Variants in SPATA17 observed in about 807,000 individuals in gnomAD.
The protein encoded by SPATA17 is spermatogenesis associated 17.
Under a neutral mutation model 62.2 loss-of-function variants are expected in SPATA17, and 53 were observed. That is an observed-to-expected ratio of 0.85 (90% CI 0.68 to 1.07). The LOEUF is 1.07. Among genes scored for constraint, SPATA17 ranks in the 50% least tolerant of loss-of-function variants. SPATA17 has a pLI of 0.00. For missense variants in SPATA17, 466 were observed against 425.5 expected, an observed-to-expected ratio of 1.10 and a Z score of -0.84; for synonymous variants, 146 against 146.8, an observed-to-expected ratio of 0.99 and a Z score of 0.04.
At chr1:217,700,762 C>CTTTTTTTTTTT (rs71556698) in intron 5 of SPATA17, among the ~76,000 whole-genome samples, 47 of 134,736 alleles carry the variant, frequency 3.5e-4, no homozygotes, top group African/African-American at 5.5e-4. Context: ...TTTTCTTTTT[C>CTTTTTTTTTTT]TTTTTTTTTT....
In SPATA17 at chr1:217,862,828, T is replaced by C. The variant is rs770973652; in HGVS notation, c.1060T>C (p.Tyr354His). The change falls in exon 10 of 11, where the codon TAT (tyrosine) becomes CAT (histidine). Residue 354 changes from tyrosine to histidine, a missense_variant. Coordinates refer to ENST00000366933, the MANE Select transcript of SPATA17 (RefSeq NM_138796.4). ...GCTCTTCTCAAAGTATGGAAAATTA[T>C]ATTCAAAAGCTGGACAGATTGTATA... The part of the protein sequence containing the change: ...FELFSKYGKL[Y>H]SKAGQIV 6.2e-7 allele frequency: 1 copy of C among 1,609,984 alleles called. No individual in the cohort carries two copies. Among genetic ancestry groups the C allele is most frequent in the East Asian group, 2.2e-5 (1 of 44,732 alleles).
chr1:217,801,718 G>T lies in SPATA17; in HGVS notation c.873G>T (p.Met291Ile). 1 of 1,591,108 alleles carries T rather than the reference G, an allele frequency of 6.3e-7. No homozygotes were observed. The highest frequency in any genetic ancestry group is 1.4e-5 in the African/African-American group (1 of 73,416). ...EEWLQNVNDNMFLPFSSYHKN... is the reference protein window; with the variant it reads ...EEWLQNVNDNIFLPFSSYHKN... Reference sequence around the variant, plus strand: ...AATAGCTCTTAAATATTTCTTTCAGGTTTTTGCCATTTTCTTCATACCATA... The same window carrying T: ...AATAGCTCTTAAATATTTCTTTCAGTTTTTTGCCATTTTCTTCATACCATA... The change falls in exon 9 of 11, where the codon ATG becomes ATT. Residue 291 changes from methionine to isoleucine, a missense_variant and splice_region_variant. Transcript: ENST00000366933.
At chr1:217,704,789 T>C (rs1334109041) in intron 5 of SPATA17, among the ~76,000 whole-genome samples, 1 of 152,194 alleles carries the variant, frequency 6.6e-6, no homozygotes, top group Non-Finnish European at 1.5e-5. Flanking sequence ...CACATTTTCT[T>C]TATCCAGTAT....
intron 9 of SPATA17, among the ~76,000 whole-genome samples, chr1:217,814,552 G>A (rs1379041264): frequency 1.3e-5 from 2 of 152,036 alleles, no homozygotes; most frequent in African/African-American, 4.8e-5. Context: ...TTCTCCTGAA[G>A]TTTCTAAGTC....
At chr1:217,727,266 A>G (rs867357845) in intron 5 of SPATA17, among the ~76,000 whole-genome samples, 3 of 148,656 alleles carry the variant, frequency 2.0e-5, no homozygotes, top group African/African-American at 7.4e-5. Context: ...TAATAATAAT[A>G]ATAATAATAA....
intron 5 of SPATA17, among the ~76,000 whole-genome samples, chr1:217,714,154 G>A (rs1671940613): frequency 6.6e-6 from 1 of 152,108 alleles, no homozygotes; most frequent in Non-Finnish European, 1.5e-5. Flanking sequence ...TTGGGAGGCT[G>A]TGGCAAGTGA....
chr1:217,698,821 A>G (rs1671525212), intron 5 of SPATA17, among the ~76,000 whole-genome samples: 1 of 152,094 alleles, frequency 6.6e-6, no homozygotes, highest in Non-Finnish European at 1.5e-5. Context: ...ATCTCCCTAA[A>G]TATCCCTTAT....
Position 217,770,981 on chromosome 1 carries a change from T to A in SPATA17, c.520-3353T>A, listed in dbSNP as rs1027009934. ...TATCTATTATATAACTCATTGCATTTTTTTTTTTTTTTTTTTTTTTTTTTT... is the reference window on the plus strand; with the variant it reads ...TATCTATTATATAACTCATTGCATTATTTTTTTTTTTTTTTTTTTTTTTTT... On this transcript the variant is annotated intron_variant, in intron 6 of 10. Coordinates refer to ENST00000366933, the MANE Select transcript of SPATA17 (RefSeq NM_138796.4). 6.0e-3 allele frequency among the ~76,000 whole-genome samples: 386 copies of A among 63,950 alleles called. 37 individuals carry two copies. The highest frequency in any genetic ancestry group is 0.039 in the South Asian group (69 of 1,790). 42.0% of individuals were successfully genotyped at this position (63,950 alleles called of 152,430 possible). A position where few individuals can be genotyped will look rare whatever the true frequency, so the allele number is the denominator to read the frequency against.
In SPATA17 at chr1:217,742,003, A is replaced by G. The variant is rs1672635290; in HGVS notation, c.424A>G (p.Lys142Glu). ...RKALEEFAEMKEREEKKANLE... is the reference protein window; with the variant it reads ...RKALEEFAEMEEREEKKANLE... ...GGCACTGGAGGAGTTTGCAGAAATG[A>G]AAGAAAGAGAAGAGAAGAAGGCTAA... The change falls in exon 6 of 11, where the codon AAA becomes GAA. Residue 142 changes from lysine to glutamate, a missense_variant. By Grantham distance (56) the Lys-to-Glu change is moderately conservative. Transcript: ENST00000366933. 5.0e-6 allele frequency: 8 copies of G among 1,613,996 alleles called. No homozygotes were observed. In the African/African-American group the frequency reaches 5.3e-5, roughly 11 times the overall value.
chr1:217,671,976 A>G (rs1670839841), intron 4 of SPATA17, among the ~76,000 whole-genome samples: 2 of 152,344 alleles, frequency 1.3e-5, no homozygotes, highest in African/African-American at 2.4e-5. Context: ...CAGAAAGACC[A>G]TAAGTGATTC....
At chr1:217,859,685 C>T (rs552667520) in intron 9 of SPATA17, among the ~76,000 whole-genome samples, 3 of 152,262 alleles carry the variant, frequency 2.0e-5, no homozygotes, top group Admixed American at 2.0e-4. Flanking sequence ...GGATTATAGG[C>T]ATGAGTCACC....
intron 9 of SPATA17, among the ~76,000 whole-genome samples, chr1:217,854,639 A>G (rs1418681872): frequency 6.6e-6 from 1 of 152,050 alleles, no homozygotes; most frequent in African/African-American, 2.4e-5. Flanking sequence ...ATTCCCCCAA[A>G]TACTTTGAAA....
At chr1:217,849,335 C>T (rs1558075441) in intron 9 of SPATA17, among the ~76,000 whole-genome samples, 1 of 152,166 alleles carries the variant, frequency 6.6e-6, no homozygotes, top group East Asian at 1.9e-4. Context: ...GTGTTTCCAA[C>T]AAAATAGCAC....
At chr1:217,700,308 G>A (rs1427924253) in intron 5 of SPATA17, among the ~76,000 whole-genome samples, 2 of 152,092 alleles carry the variant, frequency 1.3e-5, no homozygotes, top group Non-Finnish European at 2.9e-5. Context: ...TATTGTACAT[G>A]TGTGTTGTCT....
At chr1:217,748,022 G>T (rs77580855) in intron 6 of SPATA17, among the ~76,000 whole-genome samples, 15,247 of 152,134 alleles carry the variant, frequency 0.1, 977 homozygotes, top group East Asian at 0.14. Flanking sequence ...AATTAAACTT[G>T]GCCGGGCGCG....
chr1:217,830,437 G>A (rs921791618), intron 9 of SPATA17, among the ~76,000 whole-genome samples: 5 of 151,952 alleles, frequency 3.3e-5, no homozygotes, highest in African/African-American at 9.7e-5. Context: ...ACATCTCCTC[G>A]ACTCAAACAG....
intron 4 of SPATA17, among the ~76,000 whole-genome samples, chr1:217,675,025 A>G (rs560802674): frequency 6.6e-6 from 1 of 152,320 alleles, no homozygotes; most frequent in African/African-American, 2.4e-5. Flanking sequence ...CACGGATTTT[A>G]TCTGGAAGCA....
intron 5 of SPATA17, chr1:217,737,986 G>C (rs1033666346): frequency 6.6e-6 from 1 of 152,078 alleles, no homozygotes; most frequent in Non-Finnish European, 1.5e-5. Flanking sequence ...CACCACACCA[G>C]GCTAATTTTT....
intron 9 of SPATA17, among the ~76,000 whole-genome samples, chr1:217,852,089 G>A (rs549169689): frequency 9.9e-5 from 15 of 152,208 alleles, no homozygotes; most frequent in Admixed American, 5.9e-4. Context: ...CATGTACCCT[G>A]TTAGCTCTCC....
Sources: allele counts gnomAD v4.1 joint callset (sites outside exome capture counted in the v4.1 genomes callset), GRCh38; gene constraint gnomAD v4.1.1; transcripts MANE v1.5; gene names NCBI Gene and HGNC (gene_info 2026-07-23, HGNC 2026-07-21).